TBC1D5: variants seen among roughly 807,000 people sequenced by gnomAD.
The protein encoded by TBC1D5 is TBC1 domain family member 5.
TBC1D5 carries 75 observed loss-of-function variants against 100.3 expected under a neutral mutation model. That is an observed-to-expected ratio of 0.75 (90% confidence interval 0.62 to 0.91). The LOEUF is 0.91. TBC1D5 is among the 40% of genes least tolerant of loss of function. TBC1D5 has a pLI of 0.00. For missense variants in TBC1D5, 910 were observed against 942.4 expected (o/e 0.97, Z 0.45); for synonymous variants, 323 against 325.6 (o/e 0.99, Z 0.09).
intron 1 of TBC1D5, among the ~76,000 whole-genome samples, chr3:17,658,403 G>A (rs915204855): frequency 6.6e-6 from 1 of 152,146 alleles, no homozygotes; most frequent in African/African-American, 2.4e-5. Context: ...AGAAATTACA[G>A]TTGCTCTTAG....
At chr3:17,392,022 A>G (rs1042226662) in intron 8 of TBC1D5, among the ~76,000 whole-genome samples, 3 of 152,100 alleles carry the variant, frequency 2.0e-5, no homozygotes, top group Non-Finnish European at 4.4e-5. Flanking sequence ...CCAGCTTCTC[A>G]AGTCAGCAAA....
intron 2 of TBC1D5, among the ~76,000 whole-genome samples, chr3:17,566,467 C>A (rs1344669414): frequency 1.1e-4 from 16 of 152,024 alleles, no homozygotes; most frequent in South Asian, 2.1e-4. Flanking sequence ...GGATCCCCGT[C>A]TGGAGCAAAT....
chr3:17,533,036 A>C (rs2096247470), intron 2 of TBC1D5, among the ~76,000 whole-genome samples: 1 of 149,692 alleles, frequency 6.7e-6, no homozygotes, highest in Non-Finnish European at 1.5e-5. Flanking sequence ...CAGCCTGAGC[A>C]ACACAATGAG....
intron 3 of TBC1D5, among the ~76,000 whole-genome samples, chr3:17,453,231 T>C (rs1205326534): frequency 3.3e-5 from 5 of 151,318 alleles, no homozygotes; most frequent in African/African-American, 1.2e-4. Flanking sequence ...TCCAAATAGT[T>C]AACTAATGAT....
intron 14 of TBC1D5, among the ~76,000 whole-genome samples, chr3:17,300,293 T>C (rs2082696221): frequency 6.6e-6 from 1 of 152,260 alleles, no homozygotes; most frequent in South Asian, 2.1e-4. Context: ...ATTTGTGCTT[T>C]GATAAAACTT....
chr3:17,446,676 TA>T (rs1181553865), intron 3 of TBC1D5, among the ~76,000 whole-genome samples: 1 of 152,170 alleles, frequency 6.6e-6, no homozygotes, highest in Non-Finnish European at 1.5e-5. Context: ...GCCCAAATTT[TA>T]AAGACCACAT....
exon 15 of TBC1D5, chr3:17,291,922 A>C (rs756290422): frequency 6.2e-7 from 1 of 1,613,892 alleles, no homozygotes; most frequent in Non-Finnish European, 8.5e-7. Flanking sequence ...ACAGAGCCTT[A>C]AGAATCAGTG....
At chr3:17,404,825 T>C (rs1346298929) in intron 6 of TBC1D5, 47 bp downstream of exon 6, 1 of 1,571,388 alleles carries the variant, frequency 6.4e-7, no homozygotes, top group Admixed American at 1.9e-5. Context: ...GACTTTAAAG[T>C]GTACATAAGA....
At chr3:17,425,450 A>G (rs968411942) in intron 4 of TBC1D5, among the ~76,000 whole-genome samples, 6 of 152,172 alleles carry the variant, frequency 3.9e-5, no homozygotes, top group Non-Finnish European at 7.4e-5. Context: ...AACATGGTGA[A>G]ACCCCATCTC....
At chr3:17,677,149 A>T (rs1334901819) in intron 1 of TBC1D5, among the ~76,000 whole-genome samples, 1 of 152,240 alleles carries the variant, frequency 6.6e-6, no homozygotes, top group Non-Finnish European at 1.5e-5. Flanking sequence ...AAAACTGACA[A>T]ATGGGATCTA....
At chr3:17,337,746 A>G (rs1386269966) in intron 13 of TBC1D5, 1 of 152,214 alleles carries the variant, frequency 6.6e-6, no homozygotes, top group Non-Finnish European at 1.5e-5. Flanking sequence ...AGCTCATGTG[A>G]GTTATTGGTT....
chr3:17,221,451 A>G (rs2074275016), intron 17 of TBC1D5, among the ~76,000 whole-genome samples: 1 of 152,066 alleles, frequency 6.6e-6, no homozygotes, highest in Admixed American at 6.6e-5. Flanking sequence ...CGACCCCACA[A>G]CAGTCCCCAG....
rs572660602 is a variant in TBC1D5, at chr3:17,312,527, C to G, written c.996-4393G>C. Reference sequence around the variant, plus strand: ...TTGCTTTCTAAGTGTTCTTTGTAATCCATGGATTGAACCCAGCTTGAATTT... The same window carrying G: ...TTGCTTTCTAAGTGTTCTTTGTAATGCATGGATTGAACCCAGCTTGAATTT... On this transcript the variant is annotated intron_variant, in intron 13 of 21. Transcript: ENST00000253692. Among the ~76,000 whole-genome samples, 247 of 152,184 alleles carry G rather than the reference C, an allele frequency of 1.6e-3. 2 individuals carry two copies. The highest frequency in any genetic ancestry group is 5.7e-3 in the African/African-American group (238 of 41,530).
chr3:17,639,514 C>T (rs2064297221), intron 1 of TBC1D5, among the ~76,000 whole-genome samples: 1 of 151,334 alleles, frequency 6.6e-6, no homozygotes, highest in Admixed American at 6.6e-5. Context: ...ATGAATCATA[C>T]CTTTTGCACG....
intron 4 of TBC1D5, among the ~76,000 whole-genome samples, chr3:17,412,822 C>T (rs2093968978): frequency 1.3e-5 from 2 of 152,098 alleles, no homozygotes; most frequent in African/African-American, 4.8e-5. Flanking sequence ...AGACATCTTT[C>T]TGGAATAACA....
At chr3:17,682,977 CT>C (rs1369692046) in intron 1 of TBC1D5, among the ~76,000 whole-genome samples, 1 of 151,416 alleles carries the variant, frequency 6.6e-6, no homozygotes, top group Non-Finnish European at 1.5e-5. Context: ...AGGATGGAGG[CT>C]TCCCTCTGTC....
At chr3:17,509,298 A>C (rs1460035188) in intron 2 of TBC1D5, among the ~76,000 whole-genome samples, 2 of 151,900 alleles carry the variant, frequency 1.3e-5, no homozygotes, top group African/African-American at 2.4e-5. Context: ...CAATACTACA[A>C]ACAGTCTCAA....
rs548876695 is a variant in TBC1D5 at position 17,475,181 on chromosome 3, C to A, written c.97+33293G>T. Among the ~76,000 whole-genome samples the A allele has an allele frequency of 5.9e-5, 9 of 151,822 alleles. No individual in the cohort carries two copies. The South Asian group carries it at 1.3e-3, about 21-fold the overall frequency. ...ATCCGGTGGTTCTACCTTGCCCCGCCCCACCCGTTTATATATTCCCAAATC... is the reference window on the plus strand; with the variant it reads ...ATCCGGTGGTTCTACCTTGCCCCGCACCACCCGTTTATATATTCCCAAATC... On this transcript the variant is annotated intron_variant, in intron 3 of 21. Transcript: ENST00000253692.
At chr3:17,644,382 T>C (rs1256140545) in intron 1 of TBC1D5, among the ~76,000 whole-genome samples, 3 of 152,138 alleles carry the variant, frequency 2.0e-5, no homozygotes, top group Admixed American at 6.6e-5. Context: ...ATTATTTTAA[T>C]AGGCAATCTT....
Sources: allele counts gnomAD v4.1 joint callset (sites outside exome capture counted in the v4.1 genomes callset), GRCh38; gene constraint gnomAD v4.1.1; transcripts MANE v1.5; gene names NCBI Gene and HGNC (gene_info 2026-07-23, HGNC 2026-07-21).